KCNIP4: variants seen among roughly 807,000 people sequenced by gnomAD.
KCNIP4 encodes the protein potassium voltage-gated channel interacting protein 4.
Under a neutral mutation model 34.0 loss-of-function variants are expected in KCNIP4, and 12 were observed. That is an observed-to-expected ratio of 0.35 (90% confidence interval 0.23 to 0.57). KCNIP4 has a LOEUF of 0.57. Ranked by LOEUF, KCNIP4 falls within the 20% of genes least tolerant of loss-of-function variation. The pLI is 0.83. For missense variants in KCNIP4, 238 were observed against 311.7 expected (o/e 0.76, Z 1.78); for synonymous variants, 124 against 102.2 (o/e 1.21, Z -1.29).
rs1747526346 is a variant in KCNIP4, at chr4:20,729,909, T to TTATAAC, written c.*167_*172dup. 1.1e-5 allele frequency: 7 copies of TTATAAC among 660,136 alleles called. No individual in the cohort carries two copies. Among genetic ancestry groups the TTATAAC allele is most frequent in the Non-Finnish European group, 1.6e-5 (7 of 433,840 alleles). 40.9% of individuals were successfully genotyped at this position (660,136 alleles called of 1,614,324 possible). On this transcript the variant is annotated 3_prime_UTR_variant, in exon 9 of 9. Coordinates refer to ENST00000382152, the MANE Select transcript of KCNIP4 (RefSeq NM_025221.6). ...GTGGCATTATGAAAAGGATGCAAATTTATAACTGAAAGCTCAAATCTTTTG... is the reference window on the plus strand; with the variant it reads ...GTGGCATTATGAAAAGGATGCAAATTTATAACTATAACTGAAAGCTCAAATCTTTTG...
At chr4:21,044,241 T>C (rs577736062) in intron 1 of KCNIP4, among the ~76,000 whole-genome samples, 264 of 152,248 alleles carry the variant, frequency 1.7e-3, no homozygotes, top group Non-Finnish European at 2.8e-3. Context: ...TAGATTGTCC[T>C]ATGGACTCTG....
At chr4:21,224,743 T>C (rs6820650) in intron 1 of KCNIP4, among the ~76,000 whole-genome samples, 19,759 of 151,570 alleles carry the variant, frequency 0.13, 3,095 homozygotes, top group African/African-American at 0.38. Context: ...CGCACCACCA[T>C]GCCTGGCTAA....
chr4:21,915,524 T>G (rs1195557948), intron 1 of KCNIP4, among the ~76,000 whole-genome samples: 1 of 152,226 alleles, frequency 6.6e-6, no homozygotes, highest in East Asian at 1.9e-4. Context: ...CCAGGAGGTC[T>G]TTCTCCTCCA....
At chr4:21,942,144 A>G (rs2109020615) in intron 1 of KCNIP4, among the ~76,000 whole-genome samples, 1 of 152,266 alleles carries the variant, frequency 6.6e-6, no homozygotes, top group African/African-American at 2.4e-5. Context: ...AAGGAAATGC[A>G]CCTGAGGAAA....
At chr4:20,809,348 T>C (rs916400327) in intron 3 of KCNIP4, among the ~76,000 whole-genome samples, 7 of 152,186 alleles carry the variant, frequency 4.6e-5, no homozygotes, top group South Asian at 2.1e-4. Flanking sequence ...GTTGGGATGG[T>C]AGAATATGTA....
chr4:21,222,827 C>A (rs1201921433), intron 1 of KCNIP4, among the ~76,000 whole-genome samples: 1 of 152,176 alleles, frequency 6.6e-6, no homozygotes, highest in Admixed American at 6.6e-5. Flanking sequence ...AGGACAGAAT[C>A]ACAGTTGTGT....
At chr4:21,248,323 C>A (rs1396709412) in intron 1 of KCNIP4, among the ~76,000 whole-genome samples, 1 of 151,912 alleles carries the variant, frequency 6.6e-6, no homozygotes. Flanking sequence ...CTGAGAGAAG[C>A]AGAGTTAGAA....
intron 1 of KCNIP4, among the ~76,000 whole-genome samples, chr4:21,744,812 G>C (rs1447267063): frequency 6.6e-6 from 1 of 152,086 alleles, no homozygotes; most frequent in Non-Finnish European, 1.5e-5. Flanking sequence ...AATATATTTT[G>C]CTACAAAAAA....
intron 1 of KCNIP4, among the ~76,000 whole-genome samples, chr4:21,785,921 C>T (rs1046032824): frequency 6.6e-6 from 1 of 152,090 alleles, no homozygotes; most frequent in Non-Finnish European, 1.5e-5. Flanking sequence ...CATTCATGTA[C>T]AGGTTTTGGT....
In KCNIP4 at chr4:20,759,521, G is replaced by T. The variant is rs528191141; in HGVS notation, c.289-631C>A. On this transcript the variant is annotated intron_variant, in intron 3 of 8. Coordinates refer to ENST00000382152, the MANE Select transcript of KCNIP4 (RefSeq NM_025221.6). ...TAATAGATCCCCACCTTTGTCCCTG[G>T]GTCAACTTGTCAAAGAATGATGGAC... is the stretch of plus-strand genomic sequence containing the variant. Among the ~76,000 whole-genome samples, 3 of 152,160 alleles carry T rather than the reference G, an allele frequency of 2.0e-5. No homozygotes were observed. The South Asian group carries it at 6.2e-4, about 32-fold the overall frequency.
intron 1 of KCNIP4, among the ~76,000 whole-genome samples, chr4:21,564,344 G>A (rs1739676602): frequency 6.6e-6 from 1 of 152,016 alleles, no homozygotes; most frequent in Non-Finnish European, 1.5e-5. Context: ...GAGCTCTCAT[G>A]TGCACCTATC....
chr4:21,364,403 C>T (rs1005879971), intron 1 of KCNIP4, among the ~76,000 whole-genome samples: 1 of 151,974 alleles, frequency 6.6e-6, no homozygotes, highest in African/African-American at 2.4e-5. Flanking sequence ...TATTATATAA[C>T]ATCATCAGAG....
chr4:21,364,535 T>A (rs180871225), intron 1 of KCNIP4, among the ~76,000 whole-genome samples: 7 of 152,194 alleles, frequency 4.6e-5, no homozygotes, highest in Non-Finnish European at 8.8e-5. Context: ...AATCCACCGG[T>A]TAAAGATGGA....
chr4:20,872,565 G>C (rs1723598534), intron 2 of KCNIP4, among the ~76,000 whole-genome samples: 1 of 152,132 alleles, frequency 6.6e-6, no homozygotes, highest in Non-Finnish European at 1.5e-5. Context: ...GCAGAAACCA[G>C]ACTCATCGAC....
chr4:21,749,403 C>T (rs985234292), intron 1 of KCNIP4, among the ~76,000 whole-genome samples: 3 of 152,120 alleles, frequency 2.0e-5, no homozygotes, highest in African/African-American at 7.2e-5. Flanking sequence ...TCTACCTAGA[C>T]GGTTACATTG....
At chr4:20,845,019 G>C (rs1306921142) in intron 3 of KCNIP4, among the ~76,000 whole-genome samples, 1 of 152,200 alleles carries the variant, frequency 6.6e-6, no homozygotes, top group Non-Finnish European at 1.5e-5. Context: ...ACATTAAGCT[G>C]CTTTGCTCTA....
chr4:21,001,018 T>C (rs1738083862), intron 1 of KCNIP4, among the ~76,000 whole-genome samples: 1 of 152,220 alleles, frequency 6.6e-6, no homozygotes, highest in Non-Finnish European at 1.5e-5. Context: ...ATCTTGTTTT[T>C]CCCACTAGGC....
intron 1 of KCNIP4, among the ~76,000 whole-genome samples, chr4:21,867,823 T>C (rs1479646128): frequency 6.6e-6 from 1 of 152,256 alleles, no homozygotes; most frequent in Non-Finnish European, 1.5e-5. Flanking sequence ...TTTAGAGCCA[T>C]GTTTTCATCA....
rs146860808 is a variant in KCNIP4, at chr4:21,564,912, A to T, written c.61+383659T>A. On this transcript the variant is annotated intron_variant, in intron 1 of 8. Transcript: ENST00000382152. ...AGAACTCCCTCATTACCACAAGGACAACACCAAGCTTTTCAGGAGGGATCT... is the reference window on the plus strand; with the variant it reads ...AGAACTCCCTCATTACCACAAGGACTACACCAAGCTTTTCAGGAGGGATCT... Among the ~76,000 whole-genome samples, 213 of 152,238 alleles carry T rather than the reference A, an allele frequency of 1.4e-3. 1 individual carries two copies. Among genetic ancestry groups the T allele is most frequent in the African/African-American group, 4.6e-3 (192 of 41,550 alleles).
Sources: allele counts gnomAD v4.1 joint callset (sites outside exome capture counted in the v4.1 genomes callset), GRCh38; gene constraint gnomAD v4.1.1; transcripts MANE v1.5; gene names NCBI Gene and HGNC (gene_info 2026-07-23, HGNC 2026-07-21).